Variants in RPS17 observed in about 807,000 individuals in gnomAD.
RPS17 encodes ribosomal protein S17, also known as small ribosomal subunit protein eS17.
For synonymous variants in RPS17, 75 were observed against 65.6 expected (o/e 1.14, Z -0.70); for missense variants, 68 against 182.3 (o/e 0.37, Z 3.61).
At chr15:82,538,242 A>C in intron 4 of RPS17, 64 bp downstream of exon 4, 1 of 1,579,544 alleles carries the variant, frequency 6.3e-7, no homozygotes, top group South Asian at 1.1e-5. Context: ...GACCTTGGAT[A>C]ATAAGACCTA....
At chr15:82,538,420 C>T in intron 3 of RPS17, 49 bp from the exon 4 acceptor site, 2 of 1,588,626 alleles carry the variant, frequency 1.3e-6, no homozygotes, top group Admixed American at 1.7e-5. Context: ...GAGATTATCA[C>T]TCACCTCTCC....
chr15:82,538,860 C>T lies in RPS17; in HGVS notation c.261+20G>A, dbSNP rs1352618387. 8.1e-6 allele frequency: 13 copies of T among 1,612,758 alleles called. No individual in the cohort carries two copies. Among genetic ancestry groups the T allele is most frequent in the Non-Finnish European group, 1.1e-5 (13 of 1,178,974 alleles). On this transcript the variant is annotated intron_variant, in intron 3 of 4. Coordinates refer to ENST00000647841, the MANE Select transcript of RPS17 (RefSeq NM_001021.6). ...ATCATTTGAGGATTAGCCAGAAGCC[C>T]AAATATCCAGAAAGTTTACCTCAGG...
intron 2 of RPS17, chr15:82,539,366 G>A (rs903046723): frequency 1.1e-4 from 51 of 468,812 alleles, no homozygotes; most frequent in Non-Finnish European, 2.0e-4. Context: ...CTCTCGAACA[G>A]TAACTGCAAC....
chr15:82,538,106 G>C (rs2034273185), intron 4 of RPS17, 200 bp downstream of exon 4: 3 of 643,504 alleles, frequency 4.7e-6, no homozygotes, highest in Non-Finnish European at 8.8e-6. Context: ...CTAGATTTGG[G>C]AATCATGATC....
Position 82,540,016 on chromosome 15 carries a change from A to T in RPS17, c.120T>A (p.Ile40=). The T allele has an allele frequency of 6.2e-7, 1 of 1,612,198 alleles. No individual in the cohort carries two copies. Among genetic ancestry groups the T allele is most frequent in the South Asian group, 1.1e-5 (1 of 90,994 alleles). ...TGTTGCGGAGCTTTTTGCTGGGGAT[A>T]ATGGCGATCTCCTCGCACACGCGCT... is the stretch of plus-strand genomic sequence containing the variant. ...TNKRVCEEIA[I]IPSKKLRNKI... is the part of the protein sequence containing the mutation. Residue 40 remains isoleucine, a synonymous_variant, in exon 2 of 5, where the codon ATT becomes ATA. Coordinates refer to ENST00000647841, the MANE Select transcript of RPS17 (RefSeq NM_001021.6).
chr15:82,539,111 A>C (rs1042154315), intron 2 of RPS17, 126 bp from the exon 3 acceptor site: 1 of 970,980 alleles, frequency 1.0e-6, no homozygotes, highest in Non-Finnish European at 1.7e-6. Flanking sequence ...AAGAGGACTC[A>C]CTATCCTGGG....
In RPS17 at chr15:82,537,451, G is replaced by T. The variant is rs1276502574; in HGVS notation, c.328-570C>A. 3 of 269,566 alleles carry T rather than the reference G, an allele frequency of 1.1e-5. No homozygotes were observed. In the South Asian group the frequency reaches 1.2e-4, roughly 11 times the overall value. The allele number at this position is 269,566 out of a possible 1,614,324, so 16.7% of individuals were successfully genotyped here. On this transcript the variant is annotated intron_variant, in intron 4 of 4. Transcript: ENST00000647841. The stretch of plus-strand genomic sequence containing the variant: ...TACTAATCTAATCAACATTTGTGAA[G>T]GGCCCAAGTACACAAGGCATCAAGC...
chr15:82,539,253 C>A, intron 2 of RPS17: 1 of 623,664 alleles, frequency 1.6e-6, no homozygotes, highest in Non-Finnish European at 3.0e-6. Context: ...CGCAGTTTCA[C>A]GACCCTTCAC....
intron 2 of RPS17, chr15:82,539,326 A>C (rs1225139223): frequency 2.0e-6 from 1 of 495,238 alleles, no homozygotes; most frequent in East Asian, 5.7e-5. Flanking sequence ...TGACTTTGGC[A>C]CTATTCTTCC....
Position 82,540,076 on chromosome 15 carries a change from G to A in RPS17, c.60C>T (p.Tyr20=), listed in dbSNP as rs1177951062. The A allele has an allele frequency of 6.8e-6, 11 of 1,613,156 alleles. No individual in the cohort carries two copies. In the Admixed American group the frequency reaches 8.3e-5, roughly 12 times the overall value. ...KKAARVIIEK[Y]YTRLGNDFHT... is the part of the protein sequence containing the mutation. ...GGAAGTCGTTGCCCAGGCGCGTGTAGTACTTTTCTATGATGACCCGGGCCG... is the reference window on the plus strand; with the variant it reads ...GGAAGTCGTTGCCCAGGCGCGTGTAATACTTTTCTATGATGACCCGGGCCG... Residue 20 remains tyrosine, a synonymous_variant, in exon 2 of 5, where the codon TAC becomes TAT. Transcript: ENST00000647841.
intron 2 of RPS17, 163 bp downstream of exon 2, chr15:82,539,818 C>T: frequency 1.5e-6 from 2 of 1,301,490 alleles, no homozygotes; most frequent in South Asian, 1.2e-5. Flanking sequence ...GGCCTAAGTT[C>T]ACAACAGAAA....
Position 82,538,913 on chromosome 15 carries a change from C to T in RPS17, c.228G>A (p.Glu76=). Residue 76 remains glutamate (E), a synonymous_variant, in exon 3 of 5, where the codon GAG becomes GAA. Transcript: ENST00000647841. ...VRGISIKLQE[E]ERERRDNYVP... ...CATAATTGTCTCTCCTTTCTCTCTC[C>T]TCCTCCTGCAGCTTGATGGAGATAC... 2 of 1,613,952 alleles carry T rather than the reference C, an allele frequency of 1.2e-6. No homozygotes were observed. The highest frequency in any genetic ancestry group is 1.7e-5 in the Admixed American group (1 of 59,998).
rs1456243929 is a variant in RPS17 at position 82,540,079 on chromosome 15, C to T, written c.57G>A (p.Lys19=). 10 of 1,613,312 alleles carry T rather than the reference C, an allele frequency of 6.2e-6. No individual in the cohort carries two copies. In the East Asian group the frequency reaches 2.0e-4, roughly 32 times the overall value. Reference sequence around the variant, plus strand: ...AGTCGTTGCCCAGGCGCGTGTAGTACTTTTCTATGATGACCCGGGCCGCCT... The same window carrying T: ...AGTCGTTGCCCAGGCGCGTGTAGTATTTTTCTATGATGACCCGGGCCGCCT... ...VKKAARVIIE[K]YYTRLGNDFH... Residue 19 remains lysine, a synonymous_variant, in exon 2 of 5, where the codon AAG becomes AAA. Coordinates refer to ENST00000647841, the MANE Select transcript of RPS17 (RefSeq NM_001021.6).
intron 2 of RPS17, chr15:82,539,420 G>A: frequency 2.2e-6 from 1 of 460,564 alleles, no homozygotes; most frequent in South Asian, 1.5e-5. Flanking sequence ...GGGCGAGGTG[G>A]CTCACGCCTG....
At chr15:82,538,811 TG>T in intron 3 of RPS17, 68 bp downstream of exon 3, 1 of 1,532,484 alleles carries the variant, frequency 6.5e-7, no homozygotes, top group Admixed American at 1.7e-5. Flanking sequence ...GAGGTCCCTT[TG>T]GAAGCCAAGA....
At chr15:82,540,171 C>A in intron 1 of RPS17, 39 bp from the exon 2 acceptor site, 1 of 1,613,600 alleles carries the variant, frequency 6.2e-7, no homozygotes, top group Admixed American at 1.7e-5. Context: ...CGAGCCAGCG[C>A]AACCTTCTGG....
chr15:82,538,848 T>C, intron 3 of RPS17, 32 bp downstream of exon 3: 2 of 1,607,254 alleles, frequency 1.2e-6, no homozygotes, highest in Non-Finnish European at 1.7e-6. Context: ...ATTTGAGGAT[T>C]AGCCAGAAGC....
intron 4 of RPS17, chr15:82,537,637 G>C (rs936255509): frequency 2.8e-6 from 1 of 357,166 alleles, no homozygotes; most frequent in Admixed American, 3.9e-5. Context: ...CAGCGCAGTG[G>C]TTATTTCAGG....
intron 4 of RPS17, chr15:82,537,196 C>T (rs957832451): frequency 1.5e-5 from 7 of 463,034 alleles, no homozygotes; most frequent in Non-Finnish European, 2.4e-5. Context: ...ATCTTGGCAA[C>T]GTAGACATCC....
Sources: gnomAD v4.1 joint callset for allele counts on GRCh38, gnomAD v4.1.1 for gene constraint, MANE v1.5 for transcripts, NCBI Gene and HGNC (gene_info 2026-07-23, HGNC 2026-07-21) for gene names.